Variants in ASTN2 observed in about 807,000 individuals in gnomAD.
ASTN2 encodes astrotactin-2.
In ASTN2, 54 loss-of-function variants were observed where a neutral mutation model predicts 139.8. That is an observed-to-expected ratio of 0.39 (90% CI 0.31 to 0.48). ASTN2 has a LOEUF of 0.48. ASTN2 is among the 20% of genes least tolerant of loss of function. The probability of loss-of-function intolerance (pLI) is 0.95; values close to 1 mark genes in which losing one functional copy is unlikely to be tolerated. For synonymous variants in ASTN2, 756 were observed against 719.5 expected (o/e 1.05, Z -0.81); for missense variants, 1,565 against 1,725.1 (o/e 0.91, Z 1.64).
chr9:116,781,708 G>C (rs1361045243), intron 13 of ASTN2, among the ~76,000 whole-genome samples: 1 of 152,056 alleles, frequency 6.6e-6, no homozygotes, highest in African/African-American at 2.4e-5. Context: ...ATTCCTCCAT[G>C]GGTTTCTTGA....
chr9:116,704,999 G>C (rs1203172042), intron 16 of ASTN2, among the ~76,000 whole-genome samples: 1 of 151,942 alleles, frequency 6.6e-6, no homozygotes, highest in Non-Finnish European at 1.5e-5. Context: ...TCTTTAGATG[G>C]CTAGCTTCAA....
chr9:116,635,447 T>C (rs1166704840), intron 17 of ASTN2, among the ~76,000 whole-genome samples: 1 of 152,196 alleles, frequency 6.6e-6, no homozygotes, highest in Non-Finnish European at 1.5e-5. Context: ...TAATTAATGC[T>C]CTCCTGATAC....
intron 19 of ASTN2, among the ~76,000 whole-genome samples, chr9:116,494,691 C>A (rs982338800): frequency 6.6e-6 from 1 of 152,128 alleles, no homozygotes; most frequent in Non-Finnish European, 1.5e-5. Context: ...GCTTAAAATT[C>A]GATAAAACCT....
chr9:116,645,651 C>G (rs1434717103), intron 17 of ASTN2, among the ~76,000 whole-genome samples: 1 of 152,136 alleles, frequency 6.6e-6, no homozygotes, highest in Non-Finnish European at 1.5e-5. Flanking sequence ...GCCTCTACTC[C>G]AGGGGTAGGG....
intron 3 of ASTN2, chr9:117,181,003 A>AT: frequency 6.3e-7 from 1 of 1,595,964 alleles, no homozygotes; most frequent in Non-Finnish European, 8.5e-7. Context: ...GGCACCTCGC[A>AT]TGCCTGTTTG....
chr9:116,970,807 G>A (rs907755869), intron 10 of ASTN2, among the ~76,000 whole-genome samples: 7 of 152,012 alleles, frequency 4.6e-5, no homozygotes, highest in Admixed American at 6.6e-5. Flanking sequence ...TTTCATTTTC[G>A]TTGATTTGAG....
Position 116,699,158 on chromosome 9 carries a change from A to T in ASTN2, c.2806+26613T>A. ...GTCACAGGAGCCAGCTGAGCAAACC[A>T]TGGGGTATCACAGCCTTGCCATCTG... On this transcript the variant is annotated intron_variant, in intron 16 of 22. Transcript: ENST00000313400. This position sits in a 1 kb window ranked among gnomAD's most constrained non-coding sequence, Gnocchi z 4.2. The T allele has an allele frequency of 6.2e-7, 1 of 1,614,236 alleles. No individual in the cohort carries two copies. Among genetic ancestry groups the T allele is most frequent in the South Asian group, 1.1e-5 (1 of 91,086 alleles).
rs1019222635 is a variant in ASTN2 at position 116,703,211 on chromosome 9, G to A, written c.2806+22560C>T. 4.0e-5 allele frequency among the ~76,000 whole-genome samples: 6 copies of A among 151,584 alleles called. No homozygotes were observed. The South Asian group carries it at 1.3e-3, about 32-fold the overall frequency. ...TGGTATCTCATAGTGGTTTTGATTC[G>A]CATTTCTCTGATGGCCAGTGATGAT... On this transcript the variant is annotated intron_variant, in intron 16 of 22. Coordinates refer to ENST00000313400, the MANE Select transcript of ASTN2 (RefSeq NM_001365068.1).
At chr9:117,159,847 C>A (rs773109964) in intron 3 of ASTN2, among the ~76,000 whole-genome samples, 1 of 152,056 alleles carries the variant, frequency 6.6e-6, no homozygotes, top group Non-Finnish European at 1.5e-5. Flanking sequence ...TTAAGAACCA[C>A]TCCAAACAAG....
chr9:116,548,471 G>A (rs1281473032), intron 19 of ASTN2, among the ~76,000 whole-genome samples: 1 of 151,956 alleles, frequency 6.6e-6, no homozygotes, highest in Non-Finnish European at 1.5e-5. Flanking sequence ...GGGTTTTGTT[G>A]TTGTTGTTTT....
intron 7 of ASTN2, among the ~76,000 whole-genome samples, chr9:116,992,911 C>T (rs901509459): frequency 4.6e-5 from 7 of 152,168 alleles, no homozygotes; most frequent in Non-Finnish European, 7.3e-5. Flanking sequence ...ATTCTGAATG[C>T]TTCTTTCTGC....
intron 7 of ASTN2, among the ~76,000 whole-genome samples, chr9:116,995,515 A>G (rs1018469458): frequency 2.0e-5 from 3 of 152,218 alleles, no homozygotes; most frequent in Non-Finnish European, 4.4e-5. Context: ...ATGAGGAAAA[A>G]GCAGTGGATA....
intron 13 of ASTN2, among the ~76,000 whole-genome samples, chr9:116,761,445 G>T (rs1829670251): frequency 6.6e-6 from 1 of 152,180 alleles, no homozygotes; most frequent in Non-Finnish European, 1.5e-5. Context: ...GGATCACTCA[G>T]CCTTTCACGG....
intron 10 of ASTN2, among the ~76,000 whole-genome samples, chr9:116,923,779 A>G (rs1200840653): frequency 6.6e-6 from 1 of 152,232 alleles, no homozygotes; most frequent in Non-Finnish European, 1.5e-5. Context: ...GATTTAATCT[A>G]ACTTCTGACC....
At chr9:116,715,905 C>T (rs748184342) in intron 16 of ASTN2, among the ~76,000 whole-genome samples, 47 of 152,140 alleles carry the variant, frequency 3.1e-4, no homozygotes, top group Non-Finnish European at 8.8e-5. Flanking sequence ...GAGCAAGGCT[C>T]CTCTCAGGTT....
intron 7 of ASTN2, among the ~76,000 whole-genome samples, chr9:116,985,428 C>T (rs982388028): frequency 3.9e-5 from 6 of 152,228 alleles, no homozygotes; most frequent in African/African-American, 1.4e-4. Context: ...TGGCTCAGCT[C>T]ATGTGGACAG....
intron 1 of ASTN2, among the ~76,000 whole-genome samples, chr9:117,373,448 C>A (rs1255569248): frequency 6.6e-6 from 1 of 152,120 alleles, no homozygotes; most frequent in East Asian, 1.9e-4. Context: ...TTAACAGATA[C>A]CAGTAAACTA....
Position 116,466,261 on chromosome 9 carries a change from G to A in ASTN2, c.3497+21098C>T, listed in dbSNP as rs147206986. Among the ~76,000 whole-genome samples the A allele has an allele frequency of 7.9e-5, 12 of 152,208 alleles. No homozygotes were observed. In the East Asian group the frequency reaches 2.1e-3, roughly 27 times the overall value. Reference sequence around the variant, plus strand: ...TGAAGACAAAACTGTTCCCCCTCTTGCAGAAAAATCTCTGTGAGGTTTGCA... The same window carrying A: ...TGAAGACAAAACTGTTCCCCCTCTTACAGAAAAATCTCTGTGAGGTTTGCA... On this transcript the variant is annotated intron_variant, in intron 20 of 22. Transcript: ENST00000313400.
intron 11 of ASTN2, among the ~76,000 whole-genome samples, chr9:116,860,989 C>T (rs2132336681): frequency 6.6e-6 from 1 of 152,260 alleles, no homozygotes. Context: ...CGTGGTATTT[C>T]CCTGTCTATT....
Sources: gnomAD v4.1 joint callset for allele counts (sites outside exome capture counted in the v4.1 genomes callset) on GRCh38, gnomAD v4.1.1 for gene constraint, Gnocchi (gnomAD v3.1) non-coding constraint, MANE v1.5 for transcripts, NCBI Gene and HGNC (gene_info 2026-07-23, HGNC 2026-07-21) for gene names.